ZDHHC13: variants seen among roughly 807,000 people sequenced by gnomAD.
ZDHHC13 encodes zDHHC palmitoyltransferase 13.
In ZDHHC13, 85 loss-of-function variants were observed where a neutral mutation model predicts 86.0. That is an observed-to-expected ratio of 0.99 (90% confidence interval 0.83 to 1.18). The LOEUF is 1.18. Ranked by LOEUF, ZDHHC13 falls within the 50% of genes most tolerant of loss-of-function variation. The pLI, the probability that ZDHHC13 is intolerant of heterozygous loss-of-function variation, is 0.00. For synonymous variants in ZDHHC13, 263 were observed against 246.4 expected, an observed-to-expected ratio of 1.07 and a Z score of -0.63; for missense variants, 711 against 730.2, an observed-to-expected ratio of 0.97 and a Z score of 0.30.
At chr11:19,127,367 A>G (rs1415754254) in intron 1 of ZDHHC13, among the ~76,000 whole-genome samples, 1 of 152,160 alleles carries the variant, frequency 6.6e-6, no homozygotes, top group Non-Finnish European at 1.5e-5. Context: ...TCAGATGCAT[A>G]GTTTGCAAAT....
chr11:19,117,590 A>G lies in ZDHHC13; in HGVS notation c.27+314A>G, dbSNP rs1848671975. On this transcript the variant is annotated intron_variant, in intron 1 of 16. Transcript: ENST00000446113. The surrounding 1 kb of genome is among the most constrained non-coding windows in gnomAD (Gnocchi z 4.2). ...CCTCTGTGGGCCTGGGGAGGGGACGATGGCCCTTCCCGGGAGAGGTGTCAG... is the reference window on the plus strand; with the variant it reads ...CCTCTGTGGGCCTGGGGAGGGGACGGTGGCCCTTCCCGGGAGAGGTGTCAG... 2.9e-6 allele frequency: 1 copy of G among 346,684 alleles called. No individual in the cohort carries two copies. Among genetic ancestry groups the G allele is most frequent in the Non-Finnish European group, 5.2e-6 (1 of 192,032 alleles). 21.5% of individuals were successfully genotyped at this position (346,684 alleles called of 1,614,324 possible). A position where few individuals can be genotyped will look rare whatever the true frequency, so the allele number is the denominator to read the frequency against.
rs1850351399 is a variant in ZDHHC13, at chr11:19,175,896, A to G, written c.1805A>G (p.Asp602Gly). Residue 602 changes from aspartate (D) to glycine (G), a missense_variant, in exon 17 of 17, where the codon GAT becomes GGT. Physicochemically the swap from Asp to Gly is moderately conservative, Grantham distance 94. Coordinates refer to ENST00000446113, the MANE Select transcript of ZDHHC13 (RefSeq NM_019028.3). ...CFGLVKPCVV[D>G]WTSQYTMVFH... ...GGCTTGGTGAAGCCCTGTGTGGTAG[A>G]TTGGACATCACAGTACACCATGGTC... 2 of 1,613,522 alleles carry G rather than the reference A, an allele frequency of 1.2e-6. No individual in the cohort carries two copies. The highest frequency in any genetic ancestry group is 1.1e-5 in the South Asian group (1 of 91,024).
At chr11:19,169,919 A>C (rs540837680) in intron 14 of ZDHHC13, 1 of 987,766 alleles carries the variant, frequency 1.0e-6, no homozygotes, top group East Asian at 1.1e-4. Context: ...AAGTATACCC[A>C]TGCCCAGCTC....
chr11:19,126,810 A>G (rs1848889105), intron 1 of ZDHHC13, among the ~76,000 whole-genome samples: 1 of 152,182 alleles, frequency 6.6e-6, no homozygotes, highest in Non-Finnish European at 1.5e-5. Flanking sequence ...TTATGGCTGC[A>G]TAGTATTCCA....
At chr11:19,120,888 A>G (rs1455766160) in intron 1 of ZDHHC13, among the ~76,000 whole-genome samples, 1 of 152,204 alleles carries the variant, frequency 6.6e-6, no homozygotes, top group Non-Finnish European at 1.5e-5. Context: ...ATCATAGAAT[A>G]CTTGGAGCTG....
intron 1 of ZDHHC13, among the ~76,000 whole-genome samples, chr11:19,135,959 C>G (rs887645980): frequency 2.6e-5 from 4 of 152,244 alleles, no homozygotes; most frequent in African/African-American, 9.6e-5. Context: ...TAGATAAAAC[C>G]ACAAAGATGG....
Position 19,147,599 on chromosome 11 carries a change from T to G in ZDHHC13, c.300T>G (p.Phe100Leu). Reference protein sequence around the residue: ...AINNRLDLVKFYISKGAVVDQ... With the variant: ...AINNRLDLVKLYISKGAVVDQ... Reference sequence around the variant, plus strand: ...CATTTGTGTCTGCTTTTAACAGGTTTTATATTTCAAAAGGTGCTGTTGTAG... The same window carrying G: ...CATTTGTGTCTGCTTTTAACAGGTTGTATATTTCAAAAGGTGCTGTTGTAG... Residue 100 changes from phenylalanine to leucine, a missense_variant, in exon 4 of 17, where the codon TTT (phenylalanine) becomes TTG (leucine). Coordinates refer to ENST00000446113, the MANE Select transcript of ZDHHC13 (RefSeq NM_019028.3). The G allele has an allele frequency of 6.3e-7, 1 of 1,593,812 alleles. No individual in the cohort carries two copies. Among genetic ancestry groups the G allele is most frequent in the Non-Finnish European group, 8.6e-7 (1 of 1,168,992 alleles).
chr11:19,146,152 CA>C (rs1205633361), intron 2 of ZDHHC13, 28 bp from the exon 3 acceptor site: 8 of 1,533,336 alleles, frequency 5.2e-6, no homozygotes, highest in Non-Finnish European at 7.0e-6. Flanking sequence ...TTAATTGTAT[CA>C]ATTATGCTTT....
At chr11:19,123,352 T>A (rs907688085) in intron 1 of ZDHHC13, among the ~76,000 whole-genome samples, 1 of 151,710 alleles carries the variant, frequency 6.6e-6, no homozygotes, top group Non-Finnish European at 1.5e-5. Flanking sequence ...CAGGGTGGGG[T>A]GTGGTGGCTC....
Position 19,133,920 on chromosome 11 carries a change from C to CATATATATATATATAT in ZDHHC13, c.28-9050_28-9035dup, listed in dbSNP as rs1554961794. 4.4e-3 allele frequency among the ~76,000 whole-genome samples: 370 copies of CATATATATATATATAT among 83,364 alleles called. 11 individuals carry two copies. Among genetic ancestry groups the CATATATATATATATAT allele is most frequent in the East Asian group, 9.1e-3 (33 of 3,610 alleles). 54.7% of individuals were successfully genotyped at this position (83,364 alleles called of 152,430 possible). A position where few individuals can be genotyped will look rare whatever the true frequency, so the allele number is the denominator to read the frequency against. Reference sequence around the variant, plus strand: ...TTCTTTACTCTTTACGAAAGAAGTCCATATATATATATATATATATATACA... The same window carrying CATATATATATATATAT: ...TTCTTTACTCTTTACGAAAGAAGTCCATATATATATATATATATATATATATATATATATATATACA... On this transcript the variant is annotated intron_variant, in intron 1 of 16. Coordinates refer to ENST00000446113, the MANE Select transcript of ZDHHC13 (RefSeq NM_019028.3).
intron 3 of ZDHHC13, 136 bp downstream of exon 3, chr11:19,146,439 C>CA: frequency 9.5e-7 from 1 of 1,056,482 alleles, no homozygotes; most frequent in Non-Finnish European, 1.3e-6. Flanking sequence ...TTCTGCCACA[C>CA]ACGTTGGTTA....
chr11:19,173,360 A>G (rs1850275980), intron 16 of ZDHHC13, among the ~76,000 whole-genome samples: 1 of 152,202 alleles, frequency 6.6e-6, no homozygotes, highest in Non-Finnish European at 1.5e-5. Flanking sequence ...TTTCAGTTGA[A>G]AATGAGAGTA....
At chr11:19,125,601 T>C (rs1288386509) in intron 1 of ZDHHC13, among the ~76,000 whole-genome samples, 1 of 152,190 alleles carries the variant, frequency 6.6e-6, no homozygotes, top group Non-Finnish European at 1.5e-5. Context: ...GTCTTATTCT[T>C]AGAGAAATGA....
At chr11:19,134,161 C>T (rs1849071029) in intron 1 of ZDHHC13, among the ~76,000 whole-genome samples, 1 of 151,718 alleles carries the variant, frequency 6.6e-6, no homozygotes, top group African/African-American at 2.4e-5. Context: ...TAAAAATCAG[C>T]TTTTTAAAAA....
chr11:19,132,651 T>G (rs958746496), intron 1 of ZDHHC13, among the ~76,000 whole-genome samples: 2 of 152,164 alleles, frequency 1.3e-5, no homozygotes, highest in African/African-American at 4.8e-5. Flanking sequence ...AATTTCTGTC[T>G]CCTCAATTTA....
Position 19,145,327 on chromosome 11 carries a change from T to C in ZDHHC13, c.174-854T>C, listed in dbSNP as rs1849430346. 2.0e-5 allele frequency among the ~76,000 whole-genome samples: 3 copies of C among 152,248 alleles called. No homozygotes were observed. In the South Asian group the frequency reaches 6.2e-4, roughly 31 times the overall value. On this transcript the variant is annotated intron_variant, in intron 2 of 16. Coordinates refer to ENST00000446113, the MANE Select transcript of ZDHHC13 (RefSeq NM_019028.3). ...CTCATTGTCTCTCACCTGTATTTAT[T>C]GCAATAATCTCTAAATTCGTATTTC...
At chr11:19,161,587 G>A (rs1283610508) in intron 10 of ZDHHC13, among the ~76,000 whole-genome samples, 1 of 151,744 alleles carries the variant, frequency 6.6e-6, no homozygotes, top group African/African-American at 2.4e-5. Context: ...TGGCTTGTGC[G>A]AGGGGGGATT....
intron 9 of ZDHHC13, among the ~76,000 whole-genome samples, chr11:19,158,535 A>C (rs998665046): frequency 6.6e-6 from 1 of 152,192 alleles, no homozygotes; most frequent in African/African-American, 2.4e-5. Flanking sequence ...AAGCTTGCTA[A>C]ATGTAAAGGT....
At chr11:19,157,854 C>T (rs1849800650) in intron 9 of ZDHHC13, among the ~76,000 whole-genome samples, 1 of 152,168 alleles carries the variant, frequency 6.6e-6, no homozygotes, top group Non-Finnish European at 1.5e-5. Flanking sequence ...TCTCATATTC[C>T]TCTATAGGGT....
Sources: gnomAD v4.1 joint callset for allele counts (sites outside exome capture counted in the v4.1 genomes callset) on GRCh38, gnomAD v4.1.1 for gene constraint, Gnocchi (gnomAD v3.1) non-coding constraint, MANE v1.5 for transcripts, NCBI Gene and HGNC (gene_info 2026-07-23, HGNC 2026-07-21) for gene names.